Variants in CRADD observed in about 807,000 individuals in gnomAD.
The protein encoded by CRADD is death domain-containing protein CRADD.
In CRADD, 9 loss-of-function variants were observed where a neutral mutation model predicts 15.5. The observed-to-expected ratio is 0.58, with a 90% CI of 0.35 to 1.01. CRADD has a LOEUF of 1.01. Ranked by LOEUF, CRADD falls within the 50% of genes least tolerant of loss-of-function variation. CRADD has a pLI of 0.02. For missense variants in CRADD, 227 were observed against 250.3 expected (o/e 0.91, Z 0.63); for synonymous variants, 118 against 107.6 (o/e 1.10, Z -0.60).
chr12:93,755,688 C>T (rs1440038713), intron 2 of CRADD, among the ~76,000 whole-genome samples: 1 of 152,196 alleles, frequency 6.6e-6, no homozygotes, highest in Non-Finnish European at 1.5e-5. Context: ...AGCTCATGGC[C>T]AGTGCACTGT....
Position 93,748,734 on chromosome 12 carries a change from C to T in CRADD, c.298+69662C>T, listed in dbSNP as rs548499968. On this transcript the variant is annotated intron_variant, in intron 2 of 2. Transcript: ENST00000332896. ...TGAGGGATCCAGTCCCCCTTCGGGA[C>T]CTGCTTTTGGCTTTGGTAAATCCTA... Among the ~76,000 whole-genome samples the T allele has an allele frequency of 2.6e-5, 4 of 152,310 alleles. No homozygotes were observed. The South Asian group carries it at 8.3e-4, about 32-fold the overall frequency.
intron 2 of CRADD, among the ~76,000 whole-genome samples, chr12:93,794,762 A>G (rs1314866339): frequency 6.6e-6 from 1 of 152,170 alleles, no homozygotes; most frequent in Non-Finnish European, 1.5e-5. Context: ...CTTAGAAGGA[A>G]AGCCGAACTC....
intron 2 of CRADD, among the ~76,000 whole-genome samples, chr12:93,692,786 A>G (rs550353360): frequency 6.6e-6 from 1 of 152,334 alleles, no homozygotes; most frequent in East Asian, 1.9e-4. Flanking sequence ...ACGAAAGTAT[A>G]AAACTTACAT....
At chr12:93,790,547 A>G (rs1441929833) in intron 2 of CRADD, 1 of 152,018 alleles carries the variant, frequency 6.6e-6, no homozygotes, top group African/African-American at 2.4e-5. Context: ...ATTTCTATTT[A>G]TTTATAGTTT....
rs375852069 is a variant in CRADD at position 93,797,157 on chromosome 12, A to T, written c.299-52813A>T. On this transcript the variant is annotated intron_variant, in intron 2 of 2. Coordinates refer to ENST00000332896, the MANE Select transcript of CRADD (RefSeq NM_003805.5). ...AAAAGGAAACCCCAAAGGCCTGGGT[A>T]TTGGGAGAGCTGCTTTGTGTAAGCC... Among the ~76,000 whole-genome samples, 5 of 152,244 alleles carry T rather than the reference A, an allele frequency of 3.3e-5. No individual in the cohort carries two copies. The East Asian group carries it at 5.8e-4, about 18-fold the overall frequency.
rs187252975 is a variant in CRADD, at chr12:93,812,547, A to G, written c.299-37423A>G. Among the ~76,000 whole-genome samples the G allele has an allele frequency of 3.5e-4, 53 of 152,248 alleles. No homozygotes were observed. In the East Asian group the frequency reaches 9.8e-3, roughly 28 times the overall value. On this transcript the variant is annotated intron_variant, in intron 2 of 2. Transcript: ENST00000332896. The stretch of plus-strand genomic sequence containing the variant: ...CAAAAAAAAAAAAAAATTGTATTCT[A>G]AGTTCCAGGAATGTCATTTAGACAT...
chr12:93,877,868 T>C (rs770236606), intron 2 of CRADD, among the ~76,000 whole-genome samples: 14 of 152,112 alleles, frequency 9.2e-5, no homozygotes, highest in Non-Finnish European at 2.1e-4. Context: ...AGTACCTAAG[T>C]TGCAAGACAG....
chr12:93,748,414 C>T (rs1033924637), intron 2 of CRADD, among the ~76,000 whole-genome samples: 3 of 152,202 alleles, frequency 2.0e-5, no homozygotes, highest in African/African-American at 7.2e-5. Flanking sequence ...CAGGCGATTC[C>T]CCCCTGCTTC....
intron 2 of CRADD, among the ~76,000 whole-genome samples, chr12:93,778,580 T>C (rs1957164886): frequency 6.6e-6 from 1 of 152,206 alleles, no homozygotes; most frequent in Non-Finnish European, 1.5e-5. Flanking sequence ...CTTTCTCTCA[T>C]GCAATTTCCT....
intron 2 of CRADD, among the ~76,000 whole-genome samples, chr12:93,715,912 C>T (rs995398297): frequency 2.0e-5 from 3 of 151,918 alleles, no homozygotes; most frequent in Admixed American, 6.6e-5. Flanking sequence ...GAGGCTGAGG[C>T]GGGGGGATCG....
At chr12:93,707,418 G>T (rs1033480119) in intron 2 of CRADD, among the ~76,000 whole-genome samples, 6 of 152,176 alleles carry the variant, frequency 3.9e-5, no homozygotes, top group African/African-American at 1.4e-4. Flanking sequence ...GGGGATAGGG[G>T]ATCCACTTTT....
intron 2 of CRADD, among the ~76,000 whole-genome samples, chr12:93,820,550 A>G (rs1215273204): frequency 1.4e-5 from 2 of 147,456 alleles, no homozygotes; most frequent in East Asian, 2.0e-4. Context: ...CTCTGTCTCA[A>G]AAAAAAAAAA....
intron 2 of CRADD, among the ~76,000 whole-genome samples, chr12:93,689,528 A>T (rs1025139432): frequency 2.6e-5 from 4 of 152,158 alleles, no homozygotes; most frequent in Admixed American, 2.0e-4. Flanking sequence ...TTTCTAGAAG[A>T]AGTTTGGGGC....
At chr12:93,735,576 A>G (rs1324591488) in intron 2 of CRADD, 2 of 152,140 alleles carry the variant, frequency 1.3e-5, no homozygotes, top group Non-Finnish European at 2.9e-5. Flanking sequence ...TTTGAAGCTG[A>G]CTTCTTGTGT....
chr12:93,741,581 A>G (rs915794232), intron 2 of CRADD, among the ~76,000 whole-genome samples: 11 of 152,238 alleles, frequency 7.2e-5, no homozygotes, highest in African/African-American at 2.2e-4. Context: ...ACATGACAGG[A>G]AAGTGGAATA....
intron 2 of CRADD, among the ~76,000 whole-genome samples, chr12:93,886,587 G>C (rs1217755794): frequency 6.6e-6 from 1 of 152,158 alleles, no homozygotes; most frequent in Admixed American, 6.5e-5. Flanking sequence ...TCTGGAGATA[G>C]GCAGTTCAAG....
chr12:93,776,697 G>A (rs1050589851), intron 2 of CRADD, among the ~76,000 whole-genome samples: 24 of 152,088 alleles, frequency 1.6e-4, no homozygotes, highest in African/African-American at 5.8e-4. Context: ...AAACAAAATG[G>A]GGCATATACA....
intron 2 of CRADD, among the ~76,000 whole-genome samples, chr12:93,805,025 C>G (rs1957520939): frequency 6.6e-6 from 1 of 151,974 alleles, no homozygotes; most frequent in Non-Finnish European, 1.5e-5. Flanking sequence ...TTCTCAGAAT[C>G]CATTAGAGTT....
chr12:93,879,431 C>T (rs1032549383), intron 2 of CRADD, among the ~76,000 whole-genome samples: 2 of 152,128 alleles, frequency 1.3e-5, no homozygotes, highest in African/African-American at 4.8e-5. Flanking sequence ...TATTCCTTTT[C>T]GAATATAAAT....
Sources: gnomAD v4.1 joint callset for allele counts (sites outside exome capture counted in the v4.1 genomes callset) on GRCh38, gnomAD v4.1.1 for gene constraint, MANE v1.5 for transcripts, NCBI Gene and HGNC (gene_info 2026-07-23, HGNC 2026-07-21) for gene names.